Variants in RBMS3 observed in about 807,000 individuals in gnomAD.
RBMS3 encodes the protein RNA binding motif single stranded interacting protein 3, also known as RNA-binding motif, single-stranded-interacting protein 3.
Under a neutral mutation model 66.8 loss-of-function variants are expected in RBMS3, and 27 were observed. The ratio of observed to expected loss-of-function variants is 0.40; its 90% CI spans 0.30 to 0.56. The LOEUF (loss-of-function observed/expected upper bound fraction) is 0.56. Among genes scored for constraint, RBMS3 ranks in the 20% least tolerant of loss-of-function variants. The probability of loss-of-function intolerance (pLI) is 0.40; values close to 1 mark genes in which losing one functional copy is unlikely to be tolerated. For missense variants in RBMS3, 513 were observed against 549.5 expected (o/e 0.93, Z 0.66); for synonymous variants, 188 against 183.0 (o/e 1.03, Z -0.22).
intron 4 of RBMS3, among the ~76,000 whole-genome samples, chr3:29,735,263 C>G (rs2054327018): frequency 6.6e-6 from 1 of 152,080 alleles, no homozygotes; most frequent in South Asian, 2.1e-4. Context: ...CTGATTTTGA[C>G]AGCATACATA....
intron 4 of RBMS3, among the ~76,000 whole-genome samples, chr3:29,643,016 T>G (rs576938267): frequency 6.6e-6 from 1 of 152,282 alleles, no homozygotes; most frequent in South Asian, 2.1e-4. Flanking sequence ...AGCATTTTCT[T>G]AATCAAATAT....
intron 10 of RBMS3, among the ~76,000 whole-genome samples, chr3:29,905,231 A>G (rs1242312966): frequency 6.6e-6 from 1 of 152,036 alleles, no homozygotes; most frequent in Non-Finnish European, 1.5e-5. Context: ...AGAAATAGGT[A>G]TGGCCACATT....
At chr3:29,348,209 C>T (rs1269941353) in intron 1 of RBMS3, among the ~76,000 whole-genome samples, 2 of 151,966 alleles carry the variant, frequency 1.3e-5, no homozygotes, top group African/African-American at 4.8e-5. Context: ...TATTTTTTTC[C>T]TCAGTATTCT....
chr3:29,490,606 A>T (rs1575990953), intron 3 of RBMS3, among the ~76,000 whole-genome samples: 1 of 152,078 alleles, frequency 6.6e-6, no homozygotes, highest in African/African-American at 2.4e-5. Flanking sequence ...GTCAAAGAGG[A>T]AATTGTAAGA....
At chr3:29,606,633 A>G (rs1457653) in intron 4 of RBMS3, among the ~76,000 whole-genome samples, 47,521 of 151,714 alleles carry the variant, frequency 0.31, 8,431 homozygotes, top group African/African-American at 0.49. Context: ...TGTATTTTAT[A>G]TATGCAATAT....
intron 2 of RBMS3, 147 bp downstream of exon 2, chr3:29,435,062 A>G (rs535976926): frequency 2.5e-5 from 21 of 855,016 alleles, no homozygotes; most frequent in African/African-American, 2.4e-4. Flanking sequence ...TTTGAGATTC[A>G]ATGCTAGTTT....
intron 1 of RBMS3, among the ~76,000 whole-genome samples, chr3:29,393,829 G>T (rs955609690): frequency 1.3e-5 from 2 of 152,194 alleles, no homozygotes; most frequent in East Asian, 3.9e-4. Flanking sequence ...TAGGGATTTC[G>T]AAAGGGGAGG....
rs543205277 is a variant in RBMS3 at position 29,780,934 on chromosome 3, A to G, written c.637+17945A>G. On this transcript the variant is annotated intron_variant, in intron 6 of 14. Coordinates refer to ENST00000383767, the MANE Select transcript of RBMS3 (RefSeq NM_001003793.3). ...TATAAAGATATATTCTTAAGATACT[A>G]TGTTAAAATATAGAACAGTTCTTGT... Among the ~76,000 whole-genome samples the G allele has an allele frequency of 3.3e-5, 5 of 152,228 alleles. No individual in the cohort carries two copies. In the South Asian group the frequency reaches 8.3e-4, roughly 25 times the overall value.
At chr3:29,342,081 A>C (rs1421965642) in intron 1 of RBMS3, among the ~76,000 whole-genome samples, 10 of 152,210 alleles carry the variant, frequency 6.6e-5, no homozygotes, top group Non-Finnish European at 1.5e-4. Context: ...GAAAGTAAGA[A>C]TACGATTCTT....
chr3:29,809,613 T>C (rs971671052), intron 6 of RBMS3, among the ~76,000 whole-genome samples: 12 of 152,030 alleles, frequency 7.9e-5, no homozygotes, highest in Admixed American at 3.9e-4. Context: ...TTTGCCTTAA[T>C]AGAAGGCAAA....
At chr3:29,714,747 TACAC>T (rs34878958) in intron 4 of RBMS3, among the ~76,000 whole-genome samples, 8,453 of 149,266 alleles carry the variant, frequency 0.057, 288 homozygotes, top group Admixed American at 0.089. Context: ...TGCACACATG[TACAC>T]ACACACACAC....
intron 3 of RBMS3, among the ~76,000 whole-genome samples, chr3:29,491,651 G>A (rs1270687817): frequency 6.6e-6 from 1 of 152,204 alleles, no homozygotes; most frequent in East Asian, 1.9e-4. Context: ...AGACGGGGCT[G>A]TGGAACAGCC....
At chr3:29,904,835 T>G (rs1016674128) in intron 10 of RBMS3, among the ~76,000 whole-genome samples, 1 of 152,052 alleles carries the variant, frequency 6.6e-6, no homozygotes. Context: ...TAATTTTGTT[T>G]TCTTTATCTC....
intron 1 of RBMS3, among the ~76,000 whole-genome samples, chr3:29,343,573 A>C (rs34916479): frequency 0.076 from 11,514 of 152,206 alleles, 572 homozygotes; most frequent in South Asian, 0.16. Context: ...GTAGTATCAA[A>C]TCACAGAAAA....
chr3:29,475,722 G>C (rs758145300), intron 2 of RBMS3, among the ~76,000 whole-genome samples: 1 of 152,298 alleles, frequency 6.6e-6, no homozygotes, highest in South Asian at 2.1e-4. Flanking sequence ...GGATGTGATA[G>C]GTGCCTAAGT....
Position 29,403,824 on chromosome 3 carries a change from C to T in RBMS3, c.76-30919C>T, listed in dbSNP as rs558084637. Among the ~76,000 whole-genome samples, 17 of 152,224 alleles carry T rather than the reference C, an allele frequency of 1.1e-4. No individual in the cohort carries two copies. The South Asian group carries it at 3.3e-3, about 30-fold the overall frequency. On this transcript the variant is annotated intron_variant, in intron 1 of 14. Coordinates refer to ENST00000383767, the MANE Select transcript of RBMS3 (RefSeq NM_001003793.3). ...TCTTTGAAAATAATAAAGGAGCCAA[C>T]ATATTTTTAAAAGTGTAAAAATCCA... is the stretch of plus-strand genomic sequence containing the variant.
At chr3:29,662,464 T>C (rs2050590263) in intron 4 of RBMS3, among the ~76,000 whole-genome samples, 1 of 152,224 alleles carries the variant, frequency 6.6e-6, no homozygotes, top group African/African-American at 2.4e-5. Flanking sequence ...AAAAAGCTCA[T>C]ATTCTTGTGT....
chr3:29,986,865 C>CCCTGGAGGCAGAGCTTGCA lies in RBMS3; in HGVS notation c.1099-1277_1099-1259dup, dbSNP rs1416218128. Among the ~76,000 whole-genome samples the CCCTGGAGGCAGAGCTTGCA allele has an allele frequency of 2.0e-5, 3 of 152,132 alleles. No individual in the cohort carries two copies. The East Asian group carries it at 5.8e-4, about 29-fold the overall frequency. On this transcript the variant is annotated intron_variant, in intron 12 of 14. Transcript: ENST00000383767. ...AGCTGAGGCATGAGAATCGCTTGAA[C>CCCTGGAGGCAGAGCTTGCA]CCTGGAGGCAGAGCTTGCAGTGAGC...
intron 3 of RBMS3, among the ~76,000 whole-genome samples, chr3:29,520,697 A>G (rs755951532): frequency 6.6e-6 from 1 of 152,184 alleles, no homozygotes; most frequent in African/African-American, 2.4e-5. Flanking sequence ...TGAAGGATGT[A>G]TTATGCTTTA....
Sources: gnomAD v4.1 joint callset for allele counts (sites outside exome capture counted in the v4.1 genomes callset) on GRCh38, gnomAD v4.1.1 for gene constraint, MANE v1.5 for transcripts, NCBI Gene and HGNC (gene_info 2026-07-23, HGNC 2026-07-21) for gene names.